ARHGAP33: variants seen among roughly 807,000 people sequenced by gnomAD.
ARHGAP33 encodes rho GTPase-activating protein 33.
Under a neutral mutation model 126.2 loss-of-function variants are expected in ARHGAP33, and 57 were observed. That is an observed-to-expected ratio of 0.45 (90% CI 0.36 to 0.56). ARHGAP33 has a LOEUF of 0.56. Ranked by LOEUF, ARHGAP33 falls within the 20% of genes least tolerant of loss-of-function variation. The probability of loss-of-function intolerance (pLI) is 0.00; values close to 1 mark genes in which losing one functional copy is unlikely to be tolerated. For synonymous variants in ARHGAP33, 711 were observed against 755.0 expected (o/e 0.94, Z 0.95); for missense variants, 1,500 against 1,748.3 (o/e 0.86, Z 2.53).
In ARHGAP33 at chr19:35,786,126, A is replaced by C; in HGVS notation, c.1943-287A>C. On this transcript the variant is annotated intron_variant, in intron 19 of 20. Coordinates refer to ENST00000007510, the MANE Select transcript of ARHGAP33 (RefSeq NM_001366178.1). This position sits in a 1 kb window ranked among gnomAD's most constrained non-coding sequence, Gnocchi z 7.0. ...CGCGCCATCCTCACACTCCTGGGGT[A>C]CTGCCCTCCCACATACCCAGGAGCC... The C allele has an allele frequency of 2.3e-6, 3 of 1,294,228 alleles. No homozygotes were observed. Among genetic ancestry groups the C allele is most frequent in the East Asian group, 3.2e-5 (1 of 31,362 alleles). The allele number at this position is 1,294,228 out of a possible 1,614,324, so 80.2% of individuals were successfully genotyped here.
Position 35,788,626 on chromosome 19 carries a change from A to C in ARHGAP33, c.*197A>C. Reference sequence around the variant, plus strand: ...GACTGAAGGGTCTGCCCATCCCCCCACCACCCTCCATCCTGGGGGCCCTCG... The same window carrying C: ...GACTGAAGGGTCTGCCCATCCCCCCCCCACCCTCCATCCTGGGGGCCCTCG... On this transcript the variant is annotated 3_prime_UTR_variant, in exon 21 of 21. Coordinates refer to ENST00000007510, the MANE Select transcript of ARHGAP33 (RefSeq NM_001366178.1). 9.8e-6 allele frequency: 5 copies of C among 509,510 alleles called. No individual in the cohort carries two copies. The highest frequency in any genetic ancestry group is 3.6e-5 in the East Asian group (1 of 27,672). 31.6% of individuals were successfully genotyped at this position (509,510 alleles called of 1,614,324 possible).
chr19:35,782,421 C>G lies in ARHGAP33; in HGVS notation c.1134C>G (p.Phe378Leu). The change falls in exon 13 of 21, where the codon TTC becomes TTG. Residue 378 changes from phenylalanine (F) to leucine (L), a missense_variant. This residue lies in a region of ARHGAP33 where 281 missense variants were observed against 413.7 expected (regional missense o/e 0.68). Coordinates refer to ENST00000007510, the MANE Select transcript of ARHGAP33 (RefSeq NM_001366178.1). This position sits in a 1 kb window ranked among gnomAD's most constrained non-coding sequence, Gnocchi z 4.1. ...ERIPELSGPAFLQDIHSVSSL... is the reference protein window; with the variant it reads ...ERIPELSGPALLQDIHSVSSL... The stretch of plus-strand genomic sequence containing the variant: ...TCCCGGAGCTGTCTGGCCCTGCATT[C>G]CTGCAGGACATCCACAGCGTGTCCT... The G allele has an allele frequency of 1.2e-6, 2 of 1,612,798 alleles. No individual in the cohort carries two copies. The highest frequency in any genetic ancestry group is 1.7e-4 in the Middle Eastern group (1 of 6,060).
At chr19:35,781,105 C>T in intron 11 of ARHGAP33, 33 bp downstream of exon 11, 1 of 1,609,420 alleles carries the variant, frequency 6.2e-7, no homozygotes. Context: ...CCACCCGTCA[C>T]ACCAGGGCTG....
At position 35,782,225 on chromosome 19, in the gene ARHGAP33, G is replaced by C; in HGVS notation, c.1086-148G>C. The C allele has an allele frequency of 1.2e-6, 1 of 853,852 alleles. No individual in the cohort carries two copies. Among genetic ancestry groups the C allele is most frequent in the Non-Finnish European group, 1.8e-6 (1 of 550,248 alleles). 52.9% of individuals were successfully genotyped at this position (853,852 alleles called of 1,614,324 possible). On this transcript the variant is annotated intron_variant, in intron 12 of 20. Transcript: ENST00000007510. This position sits in a 1 kb window ranked among gnomAD's most constrained non-coding sequence, Gnocchi z 4.1. ...CAGGCTTGCTGGGGAGTTCAGTAAG[G>C]TTCTGCCTCTGAAGAGCCCAGTGTA...
rs1304138638 is a variant in ARHGAP33, at chr19:35,784,327, C to T, written c.1567+10C>T. On this transcript the variant is annotated intron_variant, in intron 16 of 20. Coordinates refer to ENST00000007510, the MANE Select transcript of ARHGAP33 (RefSeq NM_001366178.1). ...GGCCTCGACCCTGCAGGTATGCCCTCCCACCCCCTGAGGTCCTGGCTACTG... is the reference window on the plus strand; with the variant it reads ...GGCCTCGACCCTGCAGGTATGCCCTTCCACCCCCTGAGGTCCTGGCTACTG... 6.4e-7 allele frequency: 1 copy of T among 1,551,382 alleles called. No individual in the cohort carries two copies.
intron 1 of ARHGAP33, among the ~76,000 whole-genome samples, chr19:35,777,430 G>A (rs1971512426): frequency 6.6e-6 from 1 of 152,126 alleles, no homozygotes; most frequent in African/African-American, 2.4e-5. Context: ...CCTCACGTCT[G>A]GCCCCTGCTT....
intron 16 of ARHGAP33, 58 bp downstream of exon 16, chr19:35,784,375 G>T: frequency 1.4e-6 from 2 of 1,479,226 alleles, no homozygotes; most frequent in South Asian, 1.4e-5. Flanking sequence ...AGGGCTGCAG[G>T]GGGAGGGCAG....
Position 35,788,461 on chromosome 19 carries a change from C to T in ARHGAP33, c.*32C>T. ...GCTGGGAGGGGCCGTCCTTCCTTCC[C>T]TTCACCCTCACTGGATCTTGGCCCA... On this transcript the variant is annotated 3_prime_UTR_variant, in exon 21 of 21. Coordinates refer to ENST00000007510, the MANE Select transcript of ARHGAP33 (RefSeq NM_001366178.1). 3 of 1,482,898 alleles carry T rather than the reference C, an allele frequency of 2.0e-6. No individual in the cohort carries two copies. The highest frequency in any genetic ancestry group is 1.3e-5 in the South Asian group (1 of 75,562). 91.9% of individuals were successfully genotyped at this position (1,482,898 alleles called of 1,614,324 possible).
intron 16 of ARHGAP33, 54 bp downstream of exon 16, chr19:35,784,371 G>T (rs1971976341): frequency 2.0e-6 from 3 of 1,486,888 alleles, no homozygotes; most frequent in Non-Finnish European, 9.0e-7. Context: ...GATCAGGGCT[G>T]CAGGGGGAGG....
chr19:35,780,557 A>T, intron 8 of ARHGAP33, 25 bp from the exon 9 acceptor site: 4 of 1,613,552 alleles, frequency 2.5e-6, no homozygotes, highest in Non-Finnish European at 3.4e-6. Flanking sequence ...GGGGTGGCCC[A>T]GCTACTGACC....
At chr19:35,777,463 A>C in intron 1 of ARHGAP33, 182 bp from the exon 2 acceptor site, 1 of 615,454 alleles carries the variant, frequency 1.6e-6, no homozygotes, top group Non-Finnish European at 2.9e-6. Flanking sequence ...ACCCCAGACC[A>C]CACACGAAGA....
chr19:35,780,697 G>T lies in ARHGAP33; in HGVS notation c.769+49G>T, dbSNP rs1341630202. On this transcript the variant is annotated intron_variant, in intron 9 of 20. Coordinates refer to ENST00000007510, the MANE Select transcript of ARHGAP33 (RefSeq NM_001366178.1). ...GGTGTGGGGAGGGGTGGGAAGGGGT[G>T]GGGCCTCCTGCGTCTTTTGCCTCCC... 3 of 1,609,220 alleles carry T rather than the reference G, an allele frequency of 1.9e-6. No individual in the cohort carries two copies. The Admixed American group carries it at 5.0e-5, about 27-fold the overall frequency.
At position 35,785,417 on chromosome 19, in the gene ARHGAP33, C is replaced by T; in HGVS notation, c.1876C>T (p.Pro626Ser). The change falls in exon 19 of 21, where the codon CCC becomes TCC. Residue 626 changes from proline (P) to serine (S), a missense_variant. This residue lies in a region of ARHGAP33 where 300 missense variants were observed against 291.1 expected (regional missense o/e 1.03). Coordinates refer to ENST00000007510, the MANE Select transcript of ARHGAP33 (RefSeq NM_001366178.1). ...CTCTCCCTCTCCTGCAGGCAGCAGACCCGACACCGTCACACTGAGATCTGC... is the reference window on the plus strand; with the variant it reads ...CTCTCCCTCTCCTGCAGGCAGCAGATCCGACACCGTCACACTGAGATCTGC... ...RAPPQPSGSR[P>S]DTVTLRSAKS... 1.2e-6 allele frequency: 2 copies of T among 1,614,186 alleles called. No individual in the cohort carries two copies. The highest frequency in any genetic ancestry group is 1.1e-5 in the South Asian group (1 of 91,084).
At chr19:35,776,808 G>A (rs1371480044) in intron 1 of ARHGAP33, among the ~76,000 whole-genome samples, 1 of 152,174 alleles carries the variant, frequency 6.6e-6, no homozygotes, top group Admixed American at 6.5e-5. Context: ...GAGAAGCTCT[G>A]GTCAAGGCAT....
At chr19:35,784,559 C>T in intron 16 of ARHGAP33, 1 of 1,315,442 alleles carries the variant, frequency 7.6e-7, no homozygotes, top group Non-Finnish European at 9.6e-7. Flanking sequence ...CTTGTAGCTC[C>T]TGGGGGCGCT....
chr19:35,780,831 C>T lies in ARHGAP33; in HGVS notation c.829+15C>T, dbSNP rs537843025. On this transcript the variant is annotated intron_variant, in intron 10 of 20. Transcript: ENST00000007510. Reference sequence around the variant, plus strand: ...TCTGACCTCAGGTAATAGAAATAGGCGGTCAGGTCCCAGCCCCTACCCCAC... The same window carrying T: ...TCTGACCTCAGGTAATAGAAATAGGTGGTCAGGTCCCAGCCCCTACCCCAC... 23 of 1,613,804 alleles carry T rather than the reference C, an allele frequency of 1.4e-5. No homozygotes were observed. The highest frequency in any genetic ancestry group is 1.6e-4 in the Middle Eastern group (1 of 6,062).
intron 3 of ARHGAP33, 56 bp from the exon 4 acceptor site, chr19:35,778,224 C>T: frequency 1.3e-6 from 2 of 1,585,262 alleles, no homozygotes; most frequent in Non-Finnish European, 8.7e-7. Flanking sequence ...TAGTGCCATC[C>T]CCAGGAGGTC....
In ARHGAP33 at chr19:35,777,681, G is replaced by A. The variant is rs756430555; in HGVS notation, c.43G>A (p.Gly15Ser). The A allele has an allele frequency of 1.3e-6, 2 of 1,589,198 alleles. No individual in the cohort carries two copies. The highest frequency in any genetic ancestry group is 2.3e-5 in the South Asian group (2 of 88,254). ...STDSLDGPGE[G>S]SVQPLPTAGG... ...TGACAGCCTGGATGGCCCAGGGGAG[G>A]GCTCGGTGCAGCCTCTACCCACTGC... The change falls in exon 2 of 21, where the codon GGC becomes AGC. Residue 15 changes from glycine (G) to serine (S), a missense_variant. By Grantham distance (56) the Gly-to-Ser change is moderately conservative. Transcript: ENST00000007510.
chr19:35,787,825 A>G lies in ARHGAP33; in HGVS notation c.3260A>G (p.Tyr1087Cys). Residue 1087 changes from tyrosine to cysteine, a missense_variant, in exon 21 of 21, where the codon TAT (tyrosine) becomes TGT (cysteine). Tyr to Cys is a radical substitution (Grantham distance 194, BLOSUM62 -2). Transcript: ENST00000007510. ...CTCGACAGGGGAGAGAACCTGTACTATGAGATCGGGGCAAGTGAGGGGTCC... is the reference window on the plus strand; with the variant it reads ...CTCGACAGGGGAGAGAACCTGTACTGTGAGATCGGGGCAAGTGAGGGGTCC... ...APLDRGENLY[Y>C]EIGASEGSPY... 1 of 1,606,840 alleles carries G rather than the reference A, an allele frequency of 6.2e-7. No homozygotes were observed. Among genetic ancestry groups the G allele is most frequent in the Non-Finnish European group, 8.5e-7 (1 of 1,177,308 alleles).
Sources: gnomAD v4.1 joint callset for allele counts (sites outside exome capture counted in the v4.1 genomes callset) on GRCh38, gnomAD v4.1.1 for gene constraint, gnomAD v4.1.1 regional missense constraint, Gnocchi (gnomAD v3.1) non-coding constraint, MANE v1.5 for transcripts, NCBI Gene and HGNC (gene_info 2026-07-23, HGNC 2026-07-21) for gene names.